CALN1: variants seen among roughly 807,000 people sequenced by gnomAD.
CALN1 encodes calcium-binding protein 8.
In CALN1, 17 loss-of-function variants were observed where a neutral mutation model predicts 30.6. The ratio of observed to expected loss-of-function variants is 0.56; its 90% CI spans 0.38 to 0.83. The LOEUF (loss-of-function observed/expected upper bound fraction) is 0.83. Ranked by LOEUF, CALN1 falls within the 40% of genes least tolerant of loss-of-function variation. The pLI is 0.00. For missense variants in CALN1, 291 were observed against 354.9 expected (o/e 0.82, Z 1.45); for synonymous variants, 156 against 131.4 (o/e 1.19, Z -1.28).
chr7:71,928,932 G>A (rs1321679886), intron 5 of CALN1, among the ~76,000 whole-genome samples: 2 of 145,976 alleles, frequency 1.4e-5, no homozygotes, highest in Non-Finnish European at 3.0e-5. Flanking sequence ...CCCCAAACCC[G>A]CCAGCAACCC....
chr7:71,928,632 G>A (rs1302902376), intron 5 of CALN1, among the ~76,000 whole-genome samples: 1 of 151,992 alleles, frequency 6.6e-6, no homozygotes, highest in African/African-American at 2.4e-5. Flanking sequence ...CATATCTTTC[G>A]CTTAAAGTAT....
intron 5 of CALN1, among the ~76,000 whole-genome samples, chr7:71,883,959 G>C (rs1303532554): frequency 6.6e-6 from 1 of 152,058 alleles, no homozygotes; most frequent in African/African-American, 2.4e-5. Flanking sequence ...CTGTTGCCAG[G>C]TTGGAGTGAA....
chr7:72,042,346 G>A (rs1296221796), intron 4 of CALN1, among the ~76,000 whole-genome samples: 1 of 152,152 alleles, frequency 6.6e-6, no homozygotes, highest in Non-Finnish European at 1.5e-5. Flanking sequence ...ACAATCTTCT[G>A]AAGGATCCAG....
At chr7:72,069,687 G>T (rs894948306) in intron 4 of CALN1, among the ~76,000 whole-genome samples, 1 of 152,062 alleles carries the variant, frequency 6.6e-6, no homozygotes, top group East Asian at 1.9e-4. Context: ...ACTTAAAAAG[G>T]ATTGCAAAGA....
chr7:72,157,642 G>C (rs1787797409), intron 3 of CALN1, among the ~76,000 whole-genome samples: 1 of 152,194 alleles, frequency 6.6e-6, no homozygotes, highest in Non-Finnish European at 1.5e-5. Context: ...GAGGAGGAAG[G>C]AGAAGTGGAA....
At chr7:72,021,710 T>C (rs1800718983) in intron 5 of CALN1, among the ~76,000 whole-genome samples, 1 of 152,186 alleles carries the variant, frequency 6.6e-6, no homozygotes, top group African/African-American at 2.4e-5. Flanking sequence ...TCATCCTCTT[T>C]TATGCACCTT....
At chr7:72,089,422 G>A (rs531111507) in intron 4 of CALN1, among the ~76,000 whole-genome samples, 3 of 152,092 alleles carry the variant, frequency 2.0e-5, no homozygotes, top group East Asian at 1.9e-4. Flanking sequence ...ACAAAATGAC[G>A]GAATTAAGAC....
At chr7:71,955,415 A>G (rs1447312077) in intron 5 of CALN1, among the ~76,000 whole-genome samples, 1 of 152,138 alleles carries the variant, frequency 6.6e-6, no homozygotes, top group Non-Finnish European at 1.5e-5. Context: ...AAGCTGATCA[A>G]CTTTTTGCAT....
chr7:72,030,257 A>G (rs1338782409), intron 4 of CALN1, among the ~76,000 whole-genome samples: 1 of 152,152 alleles, frequency 6.6e-6, no homozygotes, highest in Non-Finnish European at 1.5e-5. Flanking sequence ...GGATGTCTCC[A>G]GGCCCATGGT....
chr7:72,423,077 C>G (rs569541961), intron 1 of CALN1, among the ~76,000 whole-genome samples: 34 of 150,328 alleles, frequency 2.3e-4, no homozygotes, highest in African/African-American at 7.6e-4. Flanking sequence ...ACGCCACACT[C>G]TAGCCTGGGC....
At chr7:72,470,067 A>G in the CALN1 span, among the ~76,000 whole-genome samples, 1 of 152,180 alleles carries the variant, frequency 6.6e-6, no homozygotes, top group Admixed American at 6.6e-5. Context: ...CGTATGAGAC[A>G]CTAAACATGT....
the CALN1 span, among the ~76,000 whole-genome samples, chr7:72,465,339 C>T: frequency 6.6e-6 from 1 of 152,122 alleles, no homozygotes; most frequent in Non-Finnish European, 1.5e-5. Context: ...TCTGTCTGCT[C>T]CCAAATGCAT....
chr7:72,002,588 T>G (rs539313789), intron 5 of CALN1, among the ~76,000 whole-genome samples: 2 of 152,170 alleles, frequency 1.3e-5, no homozygotes, highest in South Asian at 4.1e-4. Context: ...GTATACAGAT[T>G]GGAAAAGAAG....
intron 5 of CALN1, among the ~76,000 whole-genome samples, chr7:71,969,458 C>G (rs1797688227): frequency 6.6e-6 from 1 of 152,038 alleles, no homozygotes. Context: ...TGTACATAAC[C>G]GAATACATAC....
At chr7:72,229,483 G>C (rs1055107039) in intron 3 of CALN1, among the ~76,000 whole-genome samples, 1 of 152,012 alleles carries the variant, frequency 6.6e-6, no homozygotes, top group African/African-American at 2.4e-5. Context: ...ACATGCACAC[G>C]TATGTTTACT....
chr7:72,076,685 C>A (rs1211647202), intron 4 of CALN1, among the ~76,000 whole-genome samples: 2 of 132,690 alleles, frequency 1.5e-5, no homozygotes, highest in East Asian at 4.3e-4. Flanking sequence ...CCAGTTGACA[C>A]CCACTTCTCC....
At chr7:71,867,349 C>G (rs1416028973) in intron 5 of CALN1, among the ~76,000 whole-genome samples, 1 of 152,124 alleles carries the variant, frequency 6.6e-6, no homozygotes, top group African/African-American at 2.4e-5. Context: ...ACAGGAACAT[C>G]AACCCACCAG....
intron 5 of CALN1, among the ~76,000 whole-genome samples, chr7:71,832,943 A>G (rs975112945): frequency 2.0e-5 from 3 of 151,972 alleles, no homozygotes; most frequent in African/African-American, 7.3e-5. Context: ...CAGCCTTGTC[A>G]TTGTGTCCTG....
intron 4 of CALN1, among the ~76,000 whole-genome samples, chr7:72,100,946 T>C (rs749354419): frequency 1.3e-5 from 2 of 151,914 alleles, no homozygotes; most frequent in Non-Finnish European, 2.9e-5. Flanking sequence ...ATTTAGTCCA[T>C]TTGACTAGGA....
Sources: gnomAD v4.1 joint callset for allele counts (sites outside exome capture counted in the v4.1 genomes callset) on GRCh38, gnomAD v4.1.1 for gene constraint, MANE v1.5 for transcripts, NCBI Gene and HGNC (gene_info 2026-07-23, HGNC 2026-07-21) for gene names.